The following PITPNC1 variants were observed in gnomAD, a reference collection of about 807,000 sequenced individuals.
PITPNC1 encodes phosphatidylinositol transfer protein cytoplasmic 1.
In PITPNC1, 18 loss-of-function variants were observed where a neutral mutation model predicts 44.7. The observed-to-expected ratio is 0.40, with a 90% CI of 0.28 to 0.60. The LOEUF (loss-of-function observed/expected upper bound fraction) is 0.60, where lower values mean the gene tolerates loss of function less well. Ranked by LOEUF, PITPNC1 falls within the 20% of genes least tolerant of loss-of-function variation. The pLI is 0.39. For missense variants in PITPNC1, 290 were observed against 418.4 expected (o/e 0.69, Z 2.68); for synonymous variants, 141 against 149.6 (o/e 0.94, Z 0.42).
At chr17:67,602,732 G>C (rs184942448) in intron 5 of PITPNC1, among the ~76,000 whole-genome samples, 45 of 152,082 alleles carry the variant, frequency 3.0e-4, no homozygotes, top group African/African-American at 1.1e-3. Context: ...CACTAACCTT[G>C]GGAATTTTTT....
chr17:67,657,296 G>A (rs1307755546), intron 6 of PITPNC1, among the ~76,000 whole-genome samples: 4 of 152,046 alleles, frequency 2.6e-5, no homozygotes, highest in African/African-American at 9.7e-5. Context: ...CTCTTTGAAA[G>A]TGAATCCTTA....
intron 5 of PITPNC1, among the ~76,000 whole-genome samples, chr17:67,620,120 C>A (rs532494318): frequency 7.1e-4 from 108 of 152,212 alleles, no homozygotes; most frequent in African/African-American, 2.4e-3. Context: ...GTGGCTCTGT[C>A]ACAGCTCACT....
intron 6 of PITPNC1, among the ~76,000 whole-genome samples, chr17:67,661,466 C>A (rs895198458): frequency 2.0e-5 from 3 of 152,130 alleles, no homozygotes; most frequent in Non-Finnish European, 2.9e-5. Flanking sequence ...TCCCCTCACC[C>A]CCAGGCCCAC....
chr17:67,449,589 G>C (rs749376736), intron 1 of PITPNC1, among the ~76,000 whole-genome samples: 15 of 152,190 alleles, frequency 9.9e-5, no homozygotes, highest in Non-Finnish European at 2.1e-4. Context: ...ACCTTGACAA[G>C]ACATGTACCA....
At chr17:67,487,031 T>TAAAAA (rs200197195) in intron 1 of PITPNC1, among the ~76,000 whole-genome samples, 1 of 146,356 alleles carries the variant, frequency 6.8e-6, no homozygotes, top group Non-Finnish European at 1.5e-5. Flanking sequence ...AGACTCTGTC[T>TAAAAA]AAAAAAAAAA....
At chr17:67,438,481 A>T (rs1046974364) in intron 1 of PITPNC1, among the ~76,000 whole-genome samples, 1 of 151,958 alleles carries the variant, frequency 6.6e-6, no homozygotes, top group Admixed American at 6.6e-5. Flanking sequence ...ATGCCTGGCT[A>T]ATTTTTGTAT....
At chr17:67,423,280 C>G (rs748578195) in intron 1 of PITPNC1, among the ~76,000 whole-genome samples, 2 of 152,098 alleles carry the variant, frequency 1.3e-5, no homozygotes, top group Non-Finnish European at 2.9e-5. Flanking sequence ...TCACTGGATA[C>G]AAGTTGAATC....
At chr17:67,572,695 T>C (rs2041078733) in intron 4 of PITPNC1, among the ~76,000 whole-genome samples, 2 of 150,596 alleles carry the variant, frequency 1.3e-5, no homozygotes, top group South Asian at 4.2e-4. Flanking sequence ...AAGTGGTACT[T>C]GAGATGGTCT....
chr17:67,444,896 C>CA (rs140177652), intron 1 of PITPNC1, among the ~76,000 whole-genome samples: 219 of 149,850 alleles, frequency 1.5e-3, no homozygotes, highest in African/African-American at 5.1e-3. Flanking sequence ...GACTCGGTCT[C>CA]AAAAAAAAAG....
chr17:67,468,529 G>A (rs557689347), intron 1 of PITPNC1, among the ~76,000 whole-genome samples: 1 of 149,924 alleles, frequency 6.7e-6, no homozygotes, highest in South Asian at 2.1e-4. Flanking sequence ...AGCCTCCCGA[G>A]TAGCTGGGAC....
intron 1 of PITPNC1, among the ~76,000 whole-genome samples, chr17:67,500,593 C>A (rs1201643514): frequency 6.6e-6 from 1 of 151,900 alleles, no homozygotes; most frequent in Non-Finnish European, 1.5e-5. Context: ...TATACTAAAA[C>A]CCACTGTATT....
At chr17:67,587,409 G>A (rs553185687) in intron 5 of PITPNC1, among the ~76,000 whole-genome samples, 148 of 152,154 alleles carry the variant, frequency 9.7e-4, no homozygotes, top group South Asian at 2.9e-3. Context: ...TGGGAGGATC[G>A]CTTGAGCCCA....
chr17:67,520,425 C>T (rs982165361), intron 1 of PITPNC1, among the ~76,000 whole-genome samples: 1 of 152,194 alleles, frequency 6.6e-6, no homozygotes, highest in African/African-American at 2.4e-5. Context: ...AAAGGTCAGA[C>T]TTGTCAGCAA....
At chr17:67,574,636 G>C (rs538675932) in intron 4 of PITPNC1, among the ~76,000 whole-genome samples, 1 of 152,318 alleles carries the variant, frequency 6.6e-6, no homozygotes, top group African/African-American at 2.4e-5. Flanking sequence ...CAGCCTGCAT[G>C]GGGGAGGCAG....
intron 4 of PITPNC1, among the ~76,000 whole-genome samples, chr17:67,566,745 A>C (rs554135358): frequency 6.6e-6 from 1 of 152,336 alleles, no homozygotes; most frequent in South Asian, 2.1e-4. Context: ...TCACACACAC[A>C]TATTTTCTCT....
At chr17:67,691,772 T>G (rs776417010) in intron 8 of PITPNC1, among the ~76,000 whole-genome samples, 2 of 152,142 alleles carry the variant, frequency 1.3e-5, no homozygotes, top group Non-Finnish European at 2.9e-5. Flanking sequence ...TTGGGAGGCT[T>G]AGGCAGGCGG....
intron 1 of PITPNC1, among the ~76,000 whole-genome samples, chr17:67,414,098 GAAAA>G (rs200463268): frequency 4.8e-5 from 7 of 145,370 alleles, no homozygotes; most frequent in African/African-American, 1.3e-4. Flanking sequence ...AGTTTGAACT[GAAAA>G]AAAAAAAAAT....
At chr17:67,402,828 G>A (rs1332867847) in intron 1 of PITPNC1, among the ~76,000 whole-genome samples, 1 of 151,912 alleles carries the variant, frequency 6.6e-6, no homozygotes, top group Non-Finnish European at 1.5e-5. Context: ...CACCATGCCC[G>A]GCTAATTTTT....
intron 1 of PITPNC1, among the ~76,000 whole-genome samples, chr17:67,495,249 G>A (rs1280465833): frequency 6.6e-6 from 1 of 151,510 alleles, no homozygotes; most frequent in African/African-American, 2.4e-5. Flanking sequence ...TAGTAGAGAT[G>A]GGGTTTCATC....
Sources: gnomAD v4.1 joint callset for allele counts (sites outside exome capture counted in the v4.1 genomes callset) on GRCh38, gnomAD v4.1.1 for gene constraint, MANE v1.5 for transcripts, NCBI Gene and HGNC (gene_info 2026-07-23, HGNC 2026-07-21) for gene names.